ARHGAP32: variants seen among roughly 807,000 people sequenced by gnomAD.
ARHGAP32 encodes the protein rho GTPase-activating protein 32.
A neutral mutation model predicts 186.5 loss-of-function variants in ARHGAP32; 51 were observed. The ratio of observed to expected loss-of-function variants is 0.27; its 90% CI spans 0.22 to 0.35. ARHGAP32 has a LOEUF of 0.35. Among genes scored for constraint, ARHGAP32 ranks in the 10% least tolerant of loss-of-function variants. The pLI, the probability that ARHGAP32 is intolerant of heterozygous loss-of-function variation, is 1.00. For missense variants in ARHGAP32, 2,186 were observed against 2,623.5 expected (o/e 0.83, Z 3.64); for synonymous variants, 950 against 964.3 (o/e 0.99, Z 0.27).
chr11:129,026,968 G>A (rs1462758963), intron 11 of ARHGAP32, among the ~76,000 whole-genome samples: 9 of 150,836 alleles, frequency 6.0e-5, no homozygotes, highest in Admixed American at 1.3e-4. Flanking sequence ...GCATAGTGGC[G>A]GGTGCCTGTA....
intron 11 of ARHGAP32, among the ~76,000 whole-genome samples, chr11:129,009,921 T>C (rs1212417239): frequency 6.6e-6 from 1 of 152,232 alleles, no homozygotes; most frequent in Non-Finnish European, 1.5e-5. Context: ...TTGAACTAAT[T>C]TACATTCCCA....
At chr11:129,142,431 C>T (rs1289639354) in intron 2 of ARHGAP32, among the ~76,000 whole-genome samples, 2 of 152,030 alleles carry the variant, frequency 1.3e-5, no homozygotes, top group Admixed American at 6.5e-5. Flanking sequence ...ACATAAAACG[C>T]TCTCATACTT....
Position 128,981,467 on chromosome 11 carries a change from C to T in ARHGAP32, c.1729G>A (p.Val577Ile). Residue 577 changes from valine to isoleucine, a missense_variant, in exon 17 of 23, where the codon GTT becomes ATT. Val to Ile is a conservative substitution (Grantham distance 29). Transcript: ENST00000682385. ...SVVVEFILNHVDVLFSGRISM... is the reference protein window; with the variant it reads ...SVVVEFILNHIDVLFSGRISM... ...ATTCTGCCGCTGAACAGCACATCAA[C>T]GTGATTCAGGATGAACTCAACAACC... 6.2e-7 allele frequency: 1 copy of T among 1,613,820 alleles called. No individual in the cohort carries two copies. Among genetic ancestry groups the T allele is most frequent in the Non-Finnish European group, 8.5e-7 (1 of 1,179,842 alleles).
intron 1 of ARHGAP32, among the ~76,000 whole-genome samples, chr11:129,237,150 A>G (rs1459104259): frequency 1.3e-5 from 2 of 152,136 alleles, no homozygotes; most frequent in Non-Finnish European, 2.9e-5. Flanking sequence ...GACTCAGTTC[A>G]CTAGTATTTT....
At chr11:129,233,568 C>T (rs1944886586) in intron 1 of ARHGAP32, among the ~76,000 whole-genome samples, 1 of 151,328 alleles carries the variant, frequency 6.6e-6, no homozygotes, top group African/African-American at 2.4e-5. Context: ...GTCATGCACA[C>T]ATGCACAACT....
chr11:128,972,425 C>T, intron 22 of ARHGAP32, 28 bp downstream of exon 22: 2 of 1,505,532 alleles, frequency 1.3e-6, no homozygotes, highest in South Asian at 2.8e-5. Flanking sequence ...TAGTATATTT[C>T]ATCTCACTGA....
chr11:129,153,015 A>G (rs927424586), intron 2 of ARHGAP32, among the ~76,000 whole-genome samples: 5 of 152,304 alleles, frequency 3.3e-5, no homozygotes, highest in Admixed American at 1.3e-4. Flanking sequence ...AAGCTCCCAG[A>G]TCTGATAAAT....
intron 1 of ARHGAP32, among the ~76,000 whole-genome samples, chr11:129,202,151 G>C (rs1944463482): frequency 6.6e-6 from 1 of 151,858 alleles, no homozygotes; most frequent in Admixed American, 6.6e-5. Context: ...AAAGAAGAAA[G>C]TTTGGAAAAC....
intron 5 of ARHGAP32, among the ~76,000 whole-genome samples, chr11:129,108,584 T>C (rs1427154282): frequency 6.6e-6 from 1 of 152,188 alleles, no homozygotes; most frequent in Non-Finnish European, 1.5e-5. Context: ...AATATTTTCA[T>C]ATGTTTGTTG....
intron 1 of ARHGAP32, among the ~76,000 whole-genome samples, chr11:129,199,104 T>C (rs1211472691): frequency 2.0e-5 from 3 of 152,170 alleles, no homozygotes; most frequent in Middle Eastern, 3.2e-3. Context: ...CAGAAGAAAT[T>C]TCTAAGTAGC....
At chr11:129,026,771 G>A (rs1194789656) in intron 11 of ARHGAP32, among the ~76,000 whole-genome samples, 3 of 135,594 alleles carry the variant, frequency 2.2e-5, no homozygotes, top group African/African-American at 5.7e-5. Flanking sequence ...TTGCACTCCA[G>A]CCTGGGCAAC....
chr11:129,002,805 A>ATTTTTTTTTTTT (rs36036048), intron 11 of ARHGAP32, among the ~76,000 whole-genome samples: 1 of 108,070 alleles, frequency 9.3e-6, no homozygotes, highest in African/African-American at 3.6e-5. Context: ...AGGGATGTTG[A>ATTTTTTTTTTTT]TTTTTTTTTT....
Position 129,123,772 on chromosome 11 carries a change from G to T in ARHGAP32, c.359+116C>A. On this transcript the variant is annotated intron_variant, in intron 4 of 22. Coordinates refer to ENST00000682385, the MANE Select transcript of ARHGAP32 (RefSeq NM_001378024.1). This position sits in a 1 kb window ranked among gnomAD's most constrained non-coding sequence, Gnocchi z 4.6. Reference sequence around the variant, plus strand: ...AGCATCACCGTTATCTCCTAATTTTGACCCGAATCAATGTCCATAGAAAAA... The same window carrying T: ...AGCATCACCGTTATCTCCTAATTTTTACCCGAATCAATGTCCATAGAAAAA... 1 of 890,620 alleles carries T rather than the reference G, an allele frequency of 1.1e-6. No individual in the cohort carries two copies. Among genetic ancestry groups the T allele is most frequent in the Non-Finnish European group, 1.6e-6 (1 of 619,706 alleles). 55.2% of individuals were successfully genotyped at this position (890,620 alleles called of 1,614,324 possible).
chr11:129,014,853 G>A (rs1938254164), intron 11 of ARHGAP32, among the ~76,000 whole-genome samples: 1 of 152,116 alleles, frequency 6.6e-6, no homozygotes, highest in Non-Finnish European at 1.5e-5. Flanking sequence ...AATGTTTAAG[G>A]TTCTCTTATA....
At chr11:129,144,188 T>C (rs1943122319) in intron 2 of ARHGAP32, among the ~76,000 whole-genome samples, 1 of 152,200 alleles carries the variant, frequency 6.6e-6, no homozygotes, top group African/African-American at 2.4e-5. Flanking sequence ...TCTTTACTTA[T>C]TCAAAATTGT....
At chr11:128,998,587 A>G (rs1946263944) in intron 11 of ARHGAP32, 119 bp from the exon 12 acceptor site, 3 of 636,236 alleles carry the variant, frequency 4.7e-6, no homozygotes, top group Non-Finnish European at 7.0e-6. Context: ...AATATACTTT[A>G]TAATCTTTAG....
intron 2 of ARHGAP32, among the ~76,000 whole-genome samples, chr11:129,129,164 T>C (rs2135397654): frequency 6.6e-6 from 1 of 150,514 alleles, no homozygotes; most frequent in Admixed American, 6.6e-5. Context: ...CCGCCCCGTC[T>C]GAGAAGTGAG....
At chr11:129,273,192 T>A (rs572982692) in intron 1 of ARHGAP32, among the ~76,000 whole-genome samples, 1 of 152,294 alleles carries the variant, frequency 6.6e-6, no homozygotes, top group African/African-American at 2.4e-5. Context: ...ATAGTTTGTC[T>A]CCCCATGAAA....
intron 11 of ARHGAP32, among the ~76,000 whole-genome samples, chr11:129,029,843 G>C (rs908161732): frequency 6.6e-6 from 1 of 150,438 alleles, no homozygotes; most frequent in Non-Finnish European, 1.5e-5. Context: ...GGAAGGGGAG[G>C]GGATGGAAAT....
Sources: gnomAD v4.1 joint callset for allele counts (sites outside exome capture counted in the v4.1 genomes callset) on GRCh38, gnomAD v4.1.1 for gene constraint, Gnocchi (gnomAD v3.1) non-coding constraint, MANE v1.5 for transcripts, NCBI Gene and HGNC (gene_info 2026-07-23, HGNC 2026-07-21) for gene names.